Variants in HIVEP3 observed in about 807,000 individuals in gnomAD.
HIVEP3 encodes the protein transcription factor HIVEP3.
In HIVEP3, 49 loss-of-function variants were observed where a neutral mutation model predicts 152.8. The observed-to-expected ratio is 0.32, with a 90% CI of 0.26 to 0.41. The LOEUF (loss-of-function observed/expected upper bound fraction) is 0.41. Ranked by LOEUF, HIVEP3 falls within the 10% of genes least tolerant of loss-of-function variation. HIVEP3 has a pLI of 1.00. For synonymous variants in HIVEP3, 1,269 were observed against 1,289.0 expected, an observed-to-expected ratio of 0.98 and a Z score of 0.33; for missense variants, 2,790 against 3,103.3, an observed-to-expected ratio of 0.90 and a Z score of 2.40.
At chr1:41,783,878 T>C (rs1386408486) in intron 1 of HIVEP3, among the ~76,000 whole-genome samples, 1 of 152,216 alleles carries the variant, frequency 6.6e-6, no homozygotes, top group East Asian at 1.9e-4. Context: ...AGCAAAATCA[T>C]GGAAGGAAAC....
chr1:41,956,438 G>A (rs1195113419), intron 1 of HIVEP3, among the ~76,000 whole-genome samples: 2 of 152,218 alleles, frequency 1.3e-5, no homozygotes, highest in Non-Finnish European at 2.9e-5. Flanking sequence ...GATCTCTGTA[G>A]AGCACCAGCC....
intron 6 of HIVEP3, 36 bp from the exon 7 acceptor site, chr1:41,518,524 G>A (rs777543033): frequency 1.6e-5 from 26 of 1,583,240 alleles, no homozygotes; most frequent in Non-Finnish European, 1.9e-5. Context: ...CTCTGCTATG[G>A]GGCAGGAGGC....
chr1:42,011,837 G>A (rs1458703483), intron 1 of HIVEP3, among the ~76,000 whole-genome samples: 1 of 152,140 alleles, frequency 6.6e-6, no homozygotes, highest in African/African-American at 2.4e-5. Context: ...TATAGACCAG[G>A]AGTTTTGGAC....
At chr1:41,987,617 AT>A (rs1645331844) in intron 1 of HIVEP3, among the ~76,000 whole-genome samples, 1 of 152,224 alleles carries the variant, frequency 6.6e-6, no homozygotes, top group African/African-American at 2.4e-5. Context: ...AAATGCATGC[AT>A]TTACAGTCAG....
In HIVEP3 at chr1:41,584,751, C is replaced by T. The variant is rs1472557689; in HGVS notation, c.47G>A (p.Ser16Asn). The T allele has an allele frequency of 6.6e-6, 10 of 1,519,844 alleles. No individual in the cohort carries two copies. In the South Asian group the frequency reaches 6.7e-5, roughly 10 times the overall value. The allele number at this position is 1,519,844 out of a possible 1,614,324, so 94.1% of individuals were successfully genotyped here. The change falls in exon 4 of 9, where the codon AGT becomes AAT. Residue 16 changes from serine to asparagine, a missense_variant. Ser to Asn is a conservative substitution (Grantham distance 46). Around this residue, in one of 9 missense-constraint regions of HIVEP3, gnomAD observed 209 missense variants for 237.0 expected, o/e 0.88. Coordinates refer to ENST00000372583, the MANE Select transcript of HIVEP3 (RefSeq NM_024503.5). This position sits in a 1 kb window ranked among gnomAD's most constrained non-coding sequence, Gnocchi z 5.2. ...TCCTTTGGTCAGCCGCTTCCGGGGA[C>T]TTCCCTCAGCCTTCTTGGTGCCCTT... The part of the protein sequence containing the change: ...SVKGTKKAEG[S>N]PRKRLTKGEA...
chr1:41,945,277 G>A (rs527536913), intron 1 of HIVEP3, among the ~76,000 whole-genome samples: 217 of 152,256 alleles, frequency 1.4e-3, no homozygotes, highest in Non-Finnish European at 2.6e-3. Flanking sequence ...GAACCAAAGA[G>A]TGCCAATAGT....
At chr1:41,765,300 T>C (rs1437899054) in intron 1 of HIVEP3, among the ~76,000 whole-genome samples, 1 of 152,238 alleles carries the variant, frequency 6.6e-6, no homozygotes, top group African/African-American at 2.4e-5. Context: ...TATGACTTTG[T>C]TCCTTTCTCA....
chr1:41,628,867 G>C lies in HIVEP3; in HGVS notation c.-640C>G. 3 of 1,232,096 alleles carry C rather than the reference G, an allele frequency of 2.4e-6. No homozygotes were observed. Among genetic ancestry groups the C allele is most frequent in the Non-Finnish European group, 3.0e-6 (3 of 987,966 alleles). The allele number at this position is 1,232,096 out of a possible 1,614,324, so 76.3% of individuals were successfully genotyped here. ...CACCTAGGCGCCGCTCTTCCCACCA[G>C]AGGGGCGGGCTTGCTTGGCCAGGAC... On this transcript the variant is annotated 5_prime_UTR_variant, in exon 3 of 9. Transcript: ENST00000372583.
intron 1 of HIVEP3, among the ~76,000 whole-genome samples, chr1:41,711,216 G>A (rs1360611900): frequency 6.6e-6 from 1 of 152,256 alleles, no homozygotes; most frequent in Non-Finnish European, 1.5e-5. Flanking sequence ...CCTTCAGAGA[G>A]GGGTGAGATT....
chr1:41,961,605 C>T (rs1169547433), intron 1 of HIVEP3, among the ~76,000 whole-genome samples: 1 of 152,234 alleles, frequency 6.6e-6, no homozygotes, highest in Non-Finnish European at 1.5e-5. Flanking sequence ...CAGACCTTAG[C>T]CAACTGCCTT....
At chr1:41,529,071 A>C (rs200855027) in intron 5 of HIVEP3, among the ~76,000 whole-genome samples, 73 of 84,640 alleles carry the variant, frequency 8.6e-4, no homozygotes, top group East Asian at 7.8e-3. Flanking sequence ...TCACCCTCAC[A>C]CTCACACACA....
chr1:41,973,519 T>C (rs1211951718), intron 1 of HIVEP3, among the ~76,000 whole-genome samples: 1 of 152,208 alleles, frequency 6.6e-6, no homozygotes, highest in Non-Finnish European at 1.5e-5. Flanking sequence ...GTCTCTGACA[T>C]GGTAACTGGC....
chr1:41,529,264 TCA>T (rs1201398311), intron 5 of HIVEP3, among the ~76,000 whole-genome samples: 1 of 69,854 alleles, frequency 1.4e-5, no homozygotes, highest in Admixed American at 1.8e-4. Context: ...ACCTTCACAC[TCA>T]CACATGCTCA....
chr1:41,777,444 T>C lies in HIVEP3; in HGVS notation c.-800-76449A>G, dbSNP rs529408267. Among the ~76,000 whole-genome samples the C allele has an allele frequency of 2.2e-4, 33 of 152,280 alleles. No homozygotes were observed. In the South Asian group the frequency reaches 3.7e-3, roughly 17 times the overall value. On this transcript the variant is annotated intron_variant, in intron 1 of 8. Coordinates refer to ENST00000372583, the MANE Select transcript of HIVEP3 (RefSeq NM_024503.5). ...CTTGACCCTCCAGCTCCAGGCCTCA[T>C]GGGGCAGACCAACAGAGGCACAGGC... is the stretch of plus-strand genomic sequence containing the variant.
In HIVEP3 at chr1:41,540,874, T is replaced by C. The variant is rs117123233; in HGVS notation, c.5208-15964A>G. Among the ~76,000 whole-genome samples, 18 of 152,122 alleles carry C rather than the reference T, an allele frequency of 1.2e-4. No homozygotes were observed. In the East Asian group the frequency reaches 3.1e-3, roughly 26 times the overall value. ...ATGACAATGTAAGTCTGGGGCAAAA[T>C]AGATTCTAATGGTAGGAGCTGGGCT... On this transcript the variant is annotated intron_variant, in intron 5 of 8. Transcript: ENST00000372583.
intron 3 of HIVEP3, among the ~76,000 whole-genome samples, chr1:41,614,006 A>G (rs1644932420): frequency 1.3e-5 from 2 of 152,272 alleles, no homozygotes; most frequent in South Asian, 4.1e-4. Context: ...TTCTCACAGC[A>G]CCCTGACGCC....
intron 5 of HIVEP3, among the ~76,000 whole-genome samples, chr1:41,544,818 T>TGTACCACCACTGCTACCATCACCACCA (rs1558046080): frequency 2.8e-5 from 1 of 35,766 alleles, no homozygotes; most frequent in Non-Finnish European, 5.7e-5. Context: ...CACTACCACC[T>TGTACCACCACTGCTACCATCACCACCA]CTACCACCAC....
chr1:41,814,909 T>C (rs1300199483), intron 1 of HIVEP3, among the ~76,000 whole-genome samples: 1 of 152,212 alleles, frequency 6.6e-6, no homozygotes, highest in African/African-American at 2.4e-5. Context: ...GTTATATGCA[T>C]GATATGCAAA....
chr1:41,653,971 A>C (rs907592347), intron 2 of HIVEP3, among the ~76,000 whole-genome samples: 50 of 151,134 alleles, frequency 3.3e-4, no homozygotes, highest in East Asian at 1.4e-3. Context: ...AAAAAAAAAA[A>C]AAAAAAAAAA....
Sources: allele counts gnomAD v4.1 joint callset (sites outside exome capture counted in the v4.1 genomes callset), GRCh38; gene constraint gnomAD v4.1.1; regional missense constraint gnomAD v4.1.1; non-coding constraint Gnocchi (gnomAD v3.1); transcripts MANE v1.5; gene names NCBI Gene and HGNC (gene_info 2026-07-23, HGNC 2026-07-21).